VTI1A: variants seen among roughly 807,000 people sequenced by gnomAD.
VTI1A encodes vesicle transport through interaction with t-SNAREs homolog 1A.
In VTI1A, 22 loss-of-function variants were observed where a neutral mutation model predicts 34.9. The ratio of observed to expected loss-of-function variants is 0.63; its 90% confidence interval spans 0.45 to 0.90. The LOEUF is 0.90. Ranked by LOEUF, VTI1A falls within the 40% of genes least tolerant of loss-of-function variation. VTI1A has a pLI of 0.00. For synonymous variants in VTI1A, 87 were observed against 97.3 expected (o/e 0.89, Z 0.62); for missense variants, 268 against 275.6 (o/e 0.97, Z 0.20).
At chr10:112,628,828 G>T (rs1453150631) in intron 5 of VTI1A, among the ~76,000 whole-genome samples, 1 of 151,894 alleles carries the variant, frequency 6.6e-6, no homozygotes, top group Non-Finnish European at 1.5e-5. Context: ...ATCTCCCAGA[G>T]ATAACCACTG....
At chr10:112,763,108 A>G (rs535524656) in intron 7 of VTI1A, among the ~76,000 whole-genome samples, 1 of 152,080 alleles carries the variant, frequency 6.6e-6, no homozygotes, top group South Asian at 2.1e-4. Flanking sequence ...ATAACTGAGC[A>G]TGTGGCCTCT....
chr10:112,729,635 C>G (rs1168003030), intron 7 of VTI1A, among the ~76,000 whole-genome samples: 1 of 152,166 alleles, frequency 6.6e-6, no homozygotes, highest in African/African-American at 2.4e-5. Flanking sequence ...AAAACACACG[C>G]AAATTGATGA....
At chr10:112,447,674 G>T (rs909750314) in intron 1 of VTI1A, among the ~76,000 whole-genome samples, 1 of 152,148 alleles carries the variant, frequency 6.6e-6, no homozygotes, top group African/African-American at 2.4e-5. Flanking sequence ...TTCGGAATCT[G>T]AGCCATCTGA....
At chr10:112,654,486 T>TTTTA (rs1364841908) in intron 5 of VTI1A, among the ~76,000 whole-genome samples, 38 of 152,154 alleles carry the variant, frequency 2.5e-4, no homozygotes, top group East Asian at 1.4e-3. Flanking sequence ...TTCTTTTTCT[T>TTTTA]TTTATTTATT....
intron 7 of VTI1A, among the ~76,000 whole-genome samples, chr10:112,683,932 A>T (rs1034139579): frequency 4.6e-5 from 7 of 151,950 alleles, no homozygotes; most frequent in Non-Finnish European, 8.8e-5. Flanking sequence ...AATCGCAGCT[A>T]CTCAGGAGGC....
At chr10:112,514,348 C>T (rs1289443533) in intron 3 of VTI1A, among the ~76,000 whole-genome samples, 2 of 151,358 alleles carry the variant, frequency 1.3e-5, no homozygotes, top group Non-Finnish European at 3.0e-5. Context: ...TGTAATGTCT[C>T]CTCTTTCATT....
chr10:112,705,119 G>A (rs186621717), intron 7 of VTI1A, among the ~76,000 whole-genome samples: 7 of 149,474 alleles, frequency 4.7e-5, no homozygotes, highest in East Asian at 2.0e-4. Flanking sequence ...GTCTGGGCTC[G>A]TCTGAACTCC....
intron 3 of VTI1A, among the ~76,000 whole-genome samples, chr10:112,512,042 T>G (rs1313491563): frequency 1.3e-5 from 2 of 152,204 alleles, no homozygotes; most frequent in East Asian, 3.9e-4. Context: ...CAGGTATCTC[T>G]TTGATATATT....
chr10:112,606,687 T>C (rs937310850), intron 5 of VTI1A, among the ~76,000 whole-genome samples: 2 of 152,218 alleles, frequency 1.3e-5, no homozygotes, highest in Non-Finnish European at 2.9e-5. Context: ...CACTAGTTAA[T>C]GACACTTGAA....
intron 7 of VTI1A, among the ~76,000 whole-genome samples, chr10:112,810,177 C>T (rs907017071): frequency 5.9e-5 from 9 of 151,772 alleles, no homozygotes; most frequent in Admixed American, 3.3e-4. Context: ...CCAAGATGGG[C>T]AGATCACCTG....
At chr10:112,478,199 C>T (rs1848342854) in intron 3 of VTI1A, among the ~76,000 whole-genome samples, 1 of 152,110 alleles carries the variant, frequency 6.6e-6, no homozygotes. Flanking sequence ...CGAAATTTGA[C>T]CATACTACCA....
chr10:112,707,931 C>A (rs180992069), intron 7 of VTI1A, among the ~76,000 whole-genome samples: 51 of 152,274 alleles, frequency 3.3e-4, no homozygotes, highest in African/African-American at 1.2e-3. Context: ...AAACATCAAA[C>A]AAAATTAGCA....
chr10:112,520,782 C>T lies in VTI1A; in HGVS notation c.265-6305C>T, dbSNP rs186751644. On this transcript the variant is annotated intron_variant, in intron 3 of 7. Transcript: ENST00000393077. Reference sequence around the variant, plus strand: ...TTTATCTTATTGTTTATAGCCAAAACATAAATATCCATTCTGAACATGGAA... The same window carrying T: ...TTTATCTTATTGTTTATAGCCAAAATATAAATATCCATTCTGAACATGGAA... 4.7e-3 allele frequency among the ~76,000 whole-genome samples: 720 copies of T among 151,584 alleles called. 3 individuals carry two copies. Among genetic ancestry groups the T allele is most frequent in the Non-Finnish European group, 7.6e-3 (517 of 67,840 alleles).
At chr10:112,566,713 TG>T (rs1338020490) in intron 5 of VTI1A, among the ~76,000 whole-genome samples, 1 of 152,152 alleles carries the variant, frequency 6.6e-6, no homozygotes, top group East Asian at 1.9e-4. Flanking sequence ...ATTTTAGTAT[TG>T]TTGGCGAATG....
chr10:112,684,248 A>T (rs1249340741), intron 7 of VTI1A, among the ~76,000 whole-genome samples: 1 of 152,158 alleles, frequency 6.6e-6, no homozygotes, highest in Non-Finnish European at 1.5e-5. Flanking sequence ...GTGTTTTCCC[A>T]TGCCATTAAA....
the VTI1A span, chr10:112,831,133 G>C: frequency 6.6e-6 from 1 of 151,980 alleles, no homozygotes; most frequent in Non-Finnish European, 1.5e-5. Context: ...GGTGCCGGAA[G>C]AGAGGGTGGC....
chr10:112,595,531 T>C (rs1436123812), intron 5 of VTI1A, among the ~76,000 whole-genome samples: 2 of 152,156 alleles, frequency 1.3e-5, no homozygotes, highest in Non-Finnish European at 2.9e-5. Context: ...CAAAAGAAGA[T>C]ATTTATGCAG....
At chr10:112,811,729 T>G (rs1338485857) in intron 7 of VTI1A, among the ~76,000 whole-genome samples, 1 of 134,270 alleles carries the variant, frequency 7.4e-6, no homozygotes, top group Non-Finnish European at 1.5e-5. Context: ...AGTCCATGCC[T>G]GGAAGTAGAG....
At chr10:112,484,333 CTT>C (rs1020037380) in intron 3 of VTI1A, among the ~76,000 whole-genome samples, 3 of 152,206 alleles carry the variant, frequency 2.0e-5, no homozygotes, top group African/African-American at 7.2e-5. Context: ...GCTTGTGAAA[CTT>C]TTCACATTGC....
Sources: allele counts gnomAD v4.1 joint callset (sites outside exome capture counted in the v4.1 genomes callset), GRCh38; gene constraint gnomAD v4.1.1; transcripts MANE v1.5; gene names NCBI Gene and HGNC (gene_info 2026-07-23, HGNC 2026-07-21).